The following CSMD3 variants were observed in gnomAD, a reference collection of about 807,000 sequenced individuals.
CSMD3 encodes CUB and Sushi multiple domains 3.
Under a neutral mutation model 435.2 loss-of-function variants are expected in CSMD3, and 177 were observed. That is an observed-to-expected ratio of 0.41 (90% CI 0.36 to 0.46). The LOEUF is 0.46. Ranked by LOEUF, CSMD3 falls within the 20% of genes least tolerant of loss-of-function variation. The pLI is 0.34. For missense variants in CSMD3, 4,265 were observed against 4,504.6 expected, an observed-to-expected ratio of 0.95 and a Z score of 1.52; for synonymous variants, 1,656 against 1,520.5, an observed-to-expected ratio of 1.09 and a Z score of -2.07.
intron 3 of CSMD3, among the ~76,000 whole-genome samples, chr8:113,246,324 C>A (rs1284435622): frequency 2.6e-5 from 4 of 151,876 alleles, no homozygotes; most frequent in Admixed American, 2.0e-4. Context: ...TTTACTGATA[C>A]TTTTTACTGC....
In CSMD3 at chr8:112,223,008, C is replaced by A. The variant is rs1440100606; in HGVS notation, c.*1763G>T. The A allele has an allele frequency of 1.0e-5, 4 of 397,738 alleles. No homozygotes were observed. The highest frequency in any genetic ancestry group is 8.2e-5 in the African/African-American group (4 of 48,540). The allele number at this position is 397,738 out of a possible 1,614,324, so 24.6% of individuals were successfully genotyped here. A position where few individuals can be genotyped will look rare whatever the true frequency, so the allele number is the denominator to read the frequency against. ...ATCATACTTTTACAAAGTTTCTTTT[C>A]ATAAAAATATACTTCTTTACAAAAG... On this transcript the variant is annotated 3_prime_UTR_variant, in exon 71 of 71. Transcript: ENST00000297405.
At chr8:112,633,433 G>T (rs1047902503) in intron 22 of CSMD3, among the ~76,000 whole-genome samples, 1 of 151,908 alleles carries the variant, frequency 6.6e-6, no homozygotes, top group Non-Finnish European at 1.5e-5. Context: ...TATTTTTATA[G>T]ACATCATATC....
At chr8:113,237,425 G>T (rs1041831798) in intron 3 of CSMD3, among the ~76,000 whole-genome samples, 2 of 152,204 alleles carry the variant, frequency 1.3e-5, no homozygotes, top group African/African-American at 4.8e-5. Flanking sequence ...CACTAGGAAA[G>T]AAATGAGTGA....
At chr8:112,701,422 A>G (rs72678462) in intron 13 of CSMD3, among the ~76,000 whole-genome samples, 89 of 152,214 alleles carry the variant, frequency 5.8e-4, no homozygotes, top group Non-Finnish European at 1.1e-3. Flanking sequence ...CCACAGTTAT[A>G]TATGTAGAAA....
intron 36 of CSMD3, among the ~76,000 whole-genome samples, chr8:112,384,043 G>C (rs1325991172): frequency 6.6e-6 from 1 of 152,102 alleles, no homozygotes; most frequent in Admixed American, 6.6e-5. Context: ...TTTCTAATTT[G>C]CTTGTAGCTA....
chr8:113,235,043 T>C (rs1271634268), intron 3 of CSMD3, among the ~76,000 whole-genome samples: 2 of 152,106 alleles, frequency 1.3e-5, no homozygotes, highest in Non-Finnish European at 2.9e-5. Flanking sequence ...ATGTTTTTCA[T>C]GGGAGGTGCA....
chr8:112,712,688 A>C (rs2131926862), intron 13 of CSMD3, among the ~76,000 whole-genome samples: 1 of 152,218 alleles, frequency 6.6e-6, no homozygotes, highest in South Asian at 2.1e-4. Context: ...TTTAATCTTG[A>C]ATATTTGCTA....
At chr8:113,413,350 T>A (rs1048239724) in intron 1 of CSMD3, among the ~76,000 whole-genome samples, 1 of 152,154 alleles carries the variant, frequency 6.6e-6, no homozygotes, top group African/African-American at 2.4e-5. Context: ...TTGAGAAAAG[T>A]CACTGGATCT....
chr8:112,356,479 T>G (rs1376225977), intron 38 of CSMD3, among the ~76,000 whole-genome samples: 1 of 151,882 alleles, frequency 6.6e-6, no homozygotes, highest in Non-Finnish European at 1.5e-5. Flanking sequence ...GGATGAAGAT[T>G]GAAACAACAG....
At chr8:112,390,972 TAGAC>T (rs1371451116) in intron 35 of CSMD3, among the ~76,000 whole-genome samples, 184 bp from the exon 36 acceptor site, 1 of 152,152 alleles carries the variant, frequency 6.6e-6, no homozygotes, top group Non-Finnish European at 1.5e-5. Flanking sequence ...AACAAATAAT[TAGAC>T]AGCATTAATG....
intron 1 of CSMD3, among the ~76,000 whole-genome samples, chr8:113,360,776 T>A (rs1047209160): frequency 1.3e-5 from 2 of 151,804 alleles, no homozygotes; most frequent in Non-Finnish European, 2.9e-5. Flanking sequence ...GGTTTCACCT[T>A]GTTAGCCAGG....
chr8:112,600,111 A>G (rs1308896100), intron 22 of CSMD3, among the ~76,000 whole-genome samples: 1 of 152,106 alleles, frequency 6.6e-6, no homozygotes. Flanking sequence ...GAATAACTTA[A>G]AACTAGGCTA....
chr8:112,999,040 C>T (rs943758058), intron 6 of CSMD3, among the ~76,000 whole-genome samples: 3 of 151,810 alleles, frequency 2.0e-5, no homozygotes, highest in Admixed American at 6.6e-5. Flanking sequence ...ACTAGTACAC[C>T]ATTCTATCTC....
At chr8:113,305,498 T>C (rs191757173) in intron 2 of CSMD3, among the ~76,000 whole-genome samples, 1 of 152,206 alleles carries the variant, frequency 6.6e-6, no homozygotes, top group African/African-American at 2.4e-5. Context: ...AAAGATTGAA[T>C]AAATATAATC....
At chr8:112,424,793 G>C (rs2130326568) in intron 32 of CSMD3, among the ~76,000 whole-genome samples, 1 of 152,254 alleles carries the variant, frequency 6.6e-6, no homozygotes, top group South Asian at 2.1e-4. Context: ...CCAGGTTCAA[G>C]CAGTTCTCCT....
At chr8:112,759,064 C>T (rs191725010) in intron 13 of CSMD3, among the ~76,000 whole-genome samples, 7 of 152,166 alleles carry the variant, frequency 4.6e-5, no homozygotes, top group Non-Finnish European at 8.8e-5. Flanking sequence ...CAGAGTAATA[C>T]TGTTCTTAGA....
chr8:112,886,690 A>G (rs1206479762), intron 10 of CSMD3, among the ~76,000 whole-genome samples: 2 of 151,436 alleles, frequency 1.3e-5, no homozygotes, highest in Admixed American at 1.3e-4. Context: ...GTCCTATTAT[A>G]TTCTTGGAGA....
At chr8:112,795,410 G>A (rs1343413869) in intron 13 of CSMD3, among the ~76,000 whole-genome samples, 1 of 152,160 alleles carries the variant, frequency 6.6e-6, no homozygotes, top group Non-Finnish European at 1.5e-5. Context: ...CTAGAAGTTA[G>A]ATGAAATGTA....
At chr8:113,284,855 G>T (rs2132492911) in intron 2 of CSMD3, among the ~76,000 whole-genome samples, 1 of 152,282 alleles carries the variant, frequency 6.6e-6, no homozygotes, top group Admixed American at 6.5e-5. Flanking sequence ...CATAGTGAAT[G>T]ACATTTTATG....
Sources: gnomAD v4.1 joint callset for allele counts (sites outside exome capture counted in the v4.1 genomes callset) on GRCh38, gnomAD v4.1.1 for gene constraint, MANE v1.5 for transcripts, NCBI Gene and HGNC (gene_info 2026-07-23, HGNC 2026-07-21) for gene names.